CPAMD8: variants seen among roughly 807,000 people sequenced by gnomAD.
The protein encoded by CPAMD8 is C3 and PZP-like alpha-2-macroglobulin domain-containing protein 8.
In CPAMD8, 146 loss-of-function variants were observed where a neutral mutation model predicts 224.7. The ratio of observed to expected loss-of-function variants is 0.65; its 90% CI spans 0.57 to 0.75. CPAMD8 has a LOEUF of 0.75. CPAMD8 is among the 30% of genes least tolerant of loss of function. The pLI is 0.00. For missense variants in CPAMD8, 2,301 were observed against 2,537.5 expected, an observed-to-expected ratio of 0.91 and a Z score of 2.00; for synonymous variants, 966 against 1,044.6, an observed-to-expected ratio of 0.92 and a Z score of 1.45.
At position 16,952,059 on chromosome 19, in the gene CPAMD8, G is replaced by A. The variant is rs770235588; in HGVS notation, c.2418C>T (p.Phe806=). The stretch of plus-strand genomic sequence containing the variant: ...TGAGAGCGGGGAGCATGAAGTCCAC[G>A]AAGAAGGGCTTGAAGGTCTTCAGCA... The part of the protein sequence containing the change: ...PSLLKTFKPF[F]VDFMLPALII... Residue 806 remains phenylalanine, a synonymous_variant, in exon 20 of 42, where the codon TTC becomes TTT. Coordinates refer to ENST00000443236, the MANE Select transcript of CPAMD8 (RefSeq NM_015692.5). 2.2e-5 allele frequency: 35 copies of A among 1,574,260 alleles called. 1 individual carries two copies. Among genetic ancestry groups the A allele is most frequent in the African/African-American group, 8.1e-5 (6 of 74,166 alleles).
chr19:16,939,187 T>TTATTTATC (rs1338754473), intron 22 of CPAMD8, among the ~76,000 whole-genome samples: 27 of 84,770 alleles, frequency 3.2e-4, no homozygotes, highest in East Asian at 2.9e-3. Flanking sequence ...ATTTATTTAT[T>TTATTTATC]TATCTATCTA....
chr19:16,942,342 G>A lies in CPAMD8; in HGVS notation c.2793+3207C>T, dbSNP rs140092384. Among the ~76,000 whole-genome samples, 569 of 152,060 alleles carry A rather than the reference G, an allele frequency of 3.7e-3. 3 individuals carry two copies. The highest frequency in any genetic ancestry group is 0.012 in the African/African-American group (514 of 41,486). Reference sequence around the variant, plus strand: ...CCAGGTGTGGTGGTGCATGCCTGTAGTCCCCGCTACTCAGGAGGCTGAGAA... The same window carrying A: ...CCAGGTGTGGTGGTGCATGCCTGTAATCCCCGCTACTCAGGAGGCTGAGAA... On this transcript the variant is annotated intron_variant, in intron 22 of 41. Transcript: ENST00000443236.
At chr19:16,935,132 C>A (rs2053648131) in intron 23 of CPAMD8, among the ~76,000 whole-genome samples, 1 of 152,140 alleles carries the variant, frequency 6.6e-6, no homozygotes, top group East Asian at 1.9e-4. Flanking sequence ...CTAAGATAAT[C>A]ACATGCAATT....
intron 22 of CPAMD8, among the ~76,000 whole-genome samples, chr19:16,943,892 G>A (rs370654623): frequency 3.9e-4 from 59 of 152,132 alleles, no homozygotes; most frequent in East Asian, 2.7e-3. Context: ...ACTCCAGTGA[G>A]GCCCGAATTA....
At chr19:16,967,427 A>G (rs559394796) in intron 18 of CPAMD8, among the ~76,000 whole-genome samples, 30 of 152,272 alleles carry the variant, frequency 2.0e-4, no homozygotes, top group African/African-American at 6.3e-4. Context: ...AACATGGGAC[A>G]TGTATACCTA....
At position 16,897,961 on chromosome 19, in the gene CPAMD8, G is replaced by A; in HGVS notation, c.4882C>T (p.Arg1628Cys). ...PSRCLTCVRF[R>C]ALRECVVGRT... The stretch of plus-strand genomic sequence containing the variant: ...CCCACCACGCACTCCCGGAGAGCAC[G>A]GAACCGCACGCACGTCAGGCACCGG... The change falls in exon 38 of 42, where the codon CGT (arginine) becomes TGT (cysteine). Residue 1628 changes from arginine (R) to cysteine (C), a missense_variant. Transcript: ENST00000443236. 6.2e-6 allele frequency: 10 copies of A among 1,611,150 alleles called. No individual in the cohort carries two copies. Among genetic ancestry groups the A allele is most frequent in the Non-Finnish European group, 8.5e-6 (10 of 1,179,366 alleles).
intron 20 of CPAMD8, among the ~76,000 whole-genome samples, chr19:16,949,168 G>T (rs1302160299): frequency 7.2e-5 from 11 of 152,008 alleles, no homozygotes; most frequent in Non-Finnish European, 8.8e-5. Flanking sequence ...CCACTGGAGG[G>T]TCTGAATGGG....
intron 32 of CPAMD8, 50 bp downstream of exon 32, chr19:16,904,176 A>AGGGGCC: frequency 1.2e-4 from 116 of 937,290 alleles, no homozygotes; most frequent in Non-Finnish European, 1.8e-4. Context: ...GACTGCAGGG[A>AGGGGCC]CCCCACCCAC....
At chr19:16,937,498 C>T (rs774967154) in intron 23 of CPAMD8, among the ~76,000 whole-genome samples, 6 of 151,828 alleles carry the variant, frequency 4.0e-5, no homozygotes, top group Non-Finnish European at 5.9e-5. Context: ...TGTTTTGAGA[C>T]GGAGTCTCAC....
At chr19:17,004,703 AT>A (rs546831461) in intron 7 of CPAMD8, among the ~76,000 whole-genome samples, 12 of 152,190 alleles carry the variant, frequency 7.9e-5, no homozygotes, top group Middle Eastern at 3.4e-3. Context: ...AGCCCGGCTC[AT>A]TCACTCCATC....
At chr19:16,912,617 C>T (rs2052770175) in intron 29 of CPAMD8, among the ~76,000 whole-genome samples, 2 of 152,146 alleles carry the variant, frequency 1.3e-5, no homozygotes, top group Admixed American at 6.5e-5. Context: ...GATGCAGTGG[C>T]ACATGCCTGT....
At position 16,925,216 on chromosome 19, in the gene CPAMD8, G is replaced by A. The variant is rs772090335; in HGVS notation, c.3527C>T (p.Thr1176Ile). The A allele has an allele frequency of 1.9e-6, 3 of 1,614,146 alleles. No individual in the cohort carries two copies. The South Asian group carries it at 3.3e-5, about 18-fold the overall frequency. ...QQLSPEVERE[T>I]TDYLVQGYQR... is the part of the protein sequence containing the mutation. The stretch of plus-strand genomic sequence containing the variant: ...AATACCTTGTACTAGGTAGTCGGTG[G>A]TCTCTCTCTCCACCTCAGGGCTGAG... Residue 1176 changes from threonine to isoleucine, a missense_variant, in exon 26 of 42, where the codon ACC becomes ATC. Around this residue, in one of 4 missense-constraint regions of CPAMD8, gnomAD observed 1,709 missense variants for 1,753.2 expected, o/e 0.97. Transcript: ENST00000443236.
At chr19:16,894,470 C>T (rs1410312849) in intron 41 of CPAMD8, 1 of 456,538 alleles carries the variant, frequency 2.2e-6, no homozygotes, top group Admixed American at 2.3e-5. Context: ...TCCTATGGGG[C>T]CGCCAGGACT....
Position 17,026,653 on chromosome 19 carries a change from C to T in CPAMD8, c.-11G>A, listed in dbSNP as rs1238809223. 22 of 1,409,952 alleles carry T rather than the reference C, an allele frequency of 1.6e-5. No homozygotes were observed. The highest frequency in any genetic ancestry group is 1.8e-5 in the Non-Finnish European group (20 of 1,088,076). 87.3% of individuals were successfully genotyped at this position (1,409,952 alleles called of 1,614,324 possible). On this transcript the variant is annotated 5_prime_UTR_variant, in exon 1 of 42. Coordinates refer to ENST00000443236, the MANE Select transcript of CPAMD8 (RefSeq NM_015692.5). Reference sequence around the variant, plus strand: ...CAGGGCGCCGCTCATTTTTCGGCTCCTGGGGGGCGCCGCGCCTGGGGAGGG... The same window carrying T: ...CAGGGCGCCGCTCATTTTTCGGCTCTTGGGGGGCGCCGCGCCTGGGGAGGG...
chr19:16,992,293 C>T (rs1232348723), intron 12 of CPAMD8, among the ~76,000 whole-genome samples: 3 of 152,024 alleles, frequency 2.0e-5, no homozygotes, highest in Non-Finnish European at 4.4e-5. Context: ...CACTGGGTAT[C>T]GAAAATCAGA....
chr19:16,925,424 G>T, intron 25 of CPAMD8, 52 bp from the exon 26 acceptor site: 1 of 1,429,488 alleles, frequency 7.0e-7, no homozygotes, highest in Non-Finnish European at 9.9e-7. Context: ...GTTCAGTAGA[G>T]AACAGGGACA....
chr19:16,984,563 A>G (rs910023360), intron 13 of CPAMD8, among the ~76,000 whole-genome samples: 1 of 152,188 alleles, frequency 6.6e-6, no homozygotes, highest in Non-Finnish European at 1.5e-5. Context: ...CAAAATTAAA[A>G]TTTTTTGTTG....
chr19:16,984,910 T>TAGTC (rs1460995191), intron 13 of CPAMD8, among the ~76,000 whole-genome samples: 10 of 152,184 alleles, frequency 6.6e-5, no homozygotes, highest in Admixed American at 6.6e-4. Context: ...CACTCATGTG[T>TAGTC]AGTCACACAT....
At chr19:16,958,759 T>C (rs2054554311) in intron 18 of CPAMD8, among the ~76,000 whole-genome samples, 1 of 152,102 alleles carries the variant, frequency 6.6e-6, no homozygotes, top group South Asian at 2.1e-4. Flanking sequence ...CATCCCCTTT[T>C]CTCCACTACC....
Sources: gnomAD v4.1 joint callset for allele counts (sites outside exome capture counted in the v4.1 genomes callset) on GRCh38, gnomAD v4.1.1 for gene constraint, gnomAD v4.1.1 regional missense constraint, MANE v1.5 for transcripts, NCBI Gene and HGNC (gene_info 2026-07-23, HGNC 2026-07-21) for gene names.